VSTM5: variants seen among roughly 807,000 people sequenced by gnomAD.
VSTM5 encodes the protein V-set and transmembrane domain-containing protein 5.
A neutral mutation model predicts 20.3 loss-of-function variants in VSTM5; 21 were observed. That is an observed-to-expected ratio of 1.03 (90% CI 0.73 to 1.49). The LOEUF (loss-of-function observed/expected upper bound fraction) is 1.49, where lower values mean the gene tolerates loss of function less well. Ranked by LOEUF, VSTM5 falls within the 40% of genes most tolerant of loss-of-function variation. VSTM5 has a pLI of 0.00. For missense variants in VSTM5, 219 were observed against 250.0 expected, an observed-to-expected ratio of 0.88 and a Z score of 0.84; for synonymous variants, 100 against 102.5, an observed-to-expected ratio of 0.98 and a Z score of 0.14.
At position 93,821,094 on chromosome 11, in the gene VSTM5, G is replaced by A; in HGVS notation, c.321C>T (p.Leu107=). 6.4e-7 allele frequency: 1 copy of A among 1,551,928 alleles called. No homozygotes were observed. The highest frequency in any genetic ancestry group is 8.7e-7 in the Non-Finnish European group (1 of 1,147,032). Residue 107 remains leucine (L), a synonymous_variant, in exon 2 of 4, where the codon CTC becomes CTT. Transcript: ENST00000409977. ...VCTFDNGSIQ[L]FSVGVRDSGY... ...CGGAATCCCTCACTCCCACGCTGAA[G>A]AGCTGGATGGAGCCGTTGTCAAAGG...
intron 1 of VSTM5, among the ~76,000 whole-genome samples, chr11:93,845,098 G>C (rs1591404070): frequency 6.6e-6 from 1 of 152,292 alleles, no homozygotes; most frequent in African/African-American, 2.4e-5. Flanking sequence ...GGAGGGGAAT[G>C]GTCTAGTCTA....
chr11:93,825,975 G>A (rs545613158), intron 1 of VSTM5, among the ~76,000 whole-genome samples: 3 of 152,050 alleles, frequency 2.0e-5, no homozygotes, highest in South Asian at 2.1e-4. Flanking sequence ...AGTGGCTCAC[G>A]TCTGTAATCC....
intron 1 of VSTM5, among the ~76,000 whole-genome samples, chr11:93,845,355 T>A (rs922841414): frequency 6.6e-6 from 1 of 152,194 alleles, no homozygotes; most frequent in African/African-American, 2.4e-5. Flanking sequence ...GGGGTCAGCA[T>A]GGCACGGACC....
chr11:93,844,494 A>G (rs533028587), intron 1 of VSTM5, among the ~76,000 whole-genome samples: 1 of 152,106 alleles, frequency 6.6e-6, no homozygotes, highest in Non-Finnish European at 1.5e-5. Flanking sequence ...AAGCCTTCCC[A>G]AGCTCCAAAA....
intron 1 of VSTM5, among the ~76,000 whole-genome samples, chr11:93,828,189 T>A (rs1944254037): frequency 6.6e-6 from 1 of 152,206 alleles, no homozygotes; most frequent in Non-Finnish European, 1.5e-5. Flanking sequence ...AGGAACTAAA[T>A]TTCTAGGCAT....
At position 93,850,554 on chromosome 11, in the gene VSTM5, G is replaced by C. The variant is rs1249953877; in HGVS notation, c.-52C>G. 2.1e-6 allele frequency: 3 copies of C among 1,404,840 alleles called. No individual in the cohort carries two copies. Among genetic ancestry groups the C allele is most frequent in the Non-Finnish European group, 2.9e-6 (3 of 1,030,156 alleles). The allele number at this position is 1,404,840 out of a possible 1,614,324, so 87.0% of individuals were successfully genotyped here. A position where few individuals can be genotyped will look rare whatever the true frequency, so the allele number is the denominator to read the frequency against. On this transcript the variant is annotated 5_prime_UTR_variant, in exon 1 of 4. Coordinates refer to ENST00000409977, the MANE Select transcript of VSTM5 (RefSeq NM_001144871.2). ...GGGTGTGTGCTGGCCGCACCGCGCT[G>C]CAGCTCCTATGCAGCCTTCTCTCTT...
At chr11:93,841,664 G>T (rs184267997) in intron 1 of VSTM5, among the ~76,000 whole-genome samples, 3 of 152,348 alleles carry the variant, frequency 2.0e-5, no homozygotes, top group African/African-American at 7.2e-5. Flanking sequence ...AGACCTCAGG[G>T]CGAAGAGGAC....
At chr11:93,850,251 C>T (rs1020747465) in intron 1 of VSTM5, among the ~76,000 whole-genome samples, 161 bp downstream of exon 1, 2 of 152,234 alleles carry the variant, frequency 1.3e-5, no homozygotes, top group South Asian at 4.1e-4. Flanking sequence ...CCCAGCCCCA[C>T]GAGGAAGCGG....
intron 1 of VSTM5, among the ~76,000 whole-genome samples, chr11:93,823,958 A>T (rs1944211548): frequency 6.6e-6 from 1 of 151,080 alleles, no homozygotes; most frequent in South Asian, 2.1e-4. Flanking sequence ...CCCAGGCTGG[A>T]GTGCAGTGGC....
rs370879617 is a variant in VSTM5 at position 93,848,610 on chromosome 11, C to T, written c.91+1802G>A. Among the ~76,000 whole-genome samples, 13 of 152,316 alleles carry T rather than the reference C, an allele frequency of 8.5e-5. No homozygotes were observed. In the East Asian group the frequency reaches 1.3e-3, roughly 16 times the overall value. On this transcript the variant is annotated intron_variant, in intron 1 of 3. Transcript: ENST00000409977. ...GTTTCCTCAAGTCTGGATTCTGAGA[C>T]GCTAGGGCTTCTAGAACATGGCACC... is the stretch of plus-strand genomic sequence containing the variant.
intron 1 of VSTM5, among the ~76,000 whole-genome samples, chr11:93,844,082 T>C (rs1316974090): frequency 6.6e-6 from 1 of 152,178 alleles, no homozygotes; most frequent in Non-Finnish European, 1.5e-5. Flanking sequence ...TATCACATTG[T>C]GCTTATGTCC....
chr11:93,845,071 C>T (rs1177156556), intron 1 of VSTM5, among the ~76,000 whole-genome samples: 14 of 152,298 alleles, frequency 9.2e-5, no homozygotes, highest in Non-Finnish European at 5.9e-5. Flanking sequence ...CAGCTGTTTC[C>T]ATAGGATCAG....
intron 1 of VSTM5, among the ~76,000 whole-genome samples, chr11:93,828,867 A>T (rs1591398207): frequency 6.6e-6 from 1 of 152,294 alleles, no homozygotes; most frequent in East Asian, 1.9e-4. Flanking sequence ...GACGAGTGAT[A>T]TTACAAAAGG....
At chr11:93,825,546 A>C (rs1444488555) in intron 1 of VSTM5, among the ~76,000 whole-genome samples, 4 of 152,202 alleles carry the variant, frequency 2.6e-5, no homozygotes, top group African/African-American at 9.6e-5. Flanking sequence ...CGCTTTGGGT[A>C]ATATGGACGT....
chr11:93,821,601 TGGACTACAGAG>T (rs1944186919), intron 1 of VSTM5: 1 of 437,300 alleles, frequency 2.3e-6, no homozygotes, highest in South Asian at 2.6e-5. Context: ...TGTAGCAAGG[TGGACTACAGAG>T]GTTCTCTCCC....
rs187930702 is a variant in VSTM5 at position 93,848,700 on chromosome 11, G to A, written c.91+1712C>T. Among the ~76,000 whole-genome samples the A allele has an allele frequency of 1.9e-3, 296 of 152,288 alleles. 8 individuals carry two copies. Among genetic ancestry groups the A allele is most frequent in the Middle Eastern group, 0.017 (5 of 294 alleles). On this transcript the variant is annotated intron_variant, in intron 1 of 3. Transcript: ENST00000409977. ...TTGTTTGCATGTCTGTCTTCTCCATGACACCTGAGCTTCCTGAGAACGAAA... is the reference window on the plus strand; with the variant it reads ...TTGTTTGCATGTCTGTCTTCTCCATAACACCTGAGCTTCCTGAGAACGAAA...
At chr11:93,840,748 AT>A (rs1219632532) in intron 1 of VSTM5, among the ~76,000 whole-genome samples, 2 of 152,114 alleles carry the variant, frequency 1.3e-5, no homozygotes, top group African/African-American at 4.8e-5. Flanking sequence ...ACGGAACTAG[AT>A]TGCAGGGCCC....
intron 1 of VSTM5, among the ~76,000 whole-genome samples, chr11:93,835,438 A>C (rs867807276): frequency 3.9e-5 from 6 of 152,190 alleles, no homozygotes; most frequent in African/African-American, 7.2e-5. Context: ...AAATTTAAAA[A>C]AATTAAAAAG....
intron 1 of VSTM5, among the ~76,000 whole-genome samples, chr11:93,832,254 G>A (rs1257510356): frequency 6.6e-6 from 1 of 152,204 alleles, no homozygotes; most frequent in African/African-American, 2.4e-5. Flanking sequence ...ATCTATATGT[G>A]TTGACATTAG....
Sources: allele counts gnomAD v4.1 joint callset (sites outside exome capture counted in the v4.1 genomes callset), GRCh38; gene constraint gnomAD v4.1.1; transcripts MANE v1.5; gene names NCBI Gene and HGNC (gene_info 2026-07-23, HGNC 2026-07-21).